Variants in FTO observed in about 807,000 individuals in gnomAD.
FTO encodes the protein alpha-ketoglutarate-dependent dioxygenase FTO.
FTO carries 47 observed loss-of-function variants against 63.9 expected under a neutral mutation model. That is an observed-to-expected ratio of 0.74 (90% CI 0.58 to 0.94). FTO has a LOEUF of 0.94. FTO is among the 40% of genes least tolerant of loss of function. The pLI is 0.00. For missense variants in FTO, 562 were observed against 618.1 expected (o/e 0.91, Z 0.96); for synonymous variants, 207 against 224.4 (o/e 0.92, Z 0.69).
chr16:53,842,714 C>T (rs1407056531), intron 3 of FTO, among the ~76,000 whole-genome samples: 1 of 152,120 alleles, frequency 6.6e-6, no homozygotes, highest in Non-Finnish European at 1.5e-5. Context: ...CACTCTGTTG[C>T]CCAGAATGGA....
chr16:53,827,074 G>A (rs2079027587), intron 3 of FTO, among the ~76,000 whole-genome samples: 1 of 152,154 alleles, frequency 6.6e-6, no homozygotes, highest in South Asian at 2.1e-4. Flanking sequence ...TAAGCAGACA[G>A]TCCTCTATTT....
intron 1 of FTO, among the ~76,000 whole-genome samples, chr16:53,752,959 TA>T (rs905374761): frequency 6.7e-6 from 1 of 149,158 alleles, no homozygotes; most frequent in African/African-American, 2.5e-5. Context: ...TTGAGGGCTT[TA>T]AAAAAAAACA....
intron 1 of FTO, among the ~76,000 whole-genome samples, chr16:53,713,489 A>G (rs2075824476): frequency 6.6e-6 from 1 of 152,088 alleles, no homozygotes; most frequent in African/African-American, 2.4e-5. Context: ...TTCTATTATA[A>G]ACTGGTTTTG....
chr16:53,767,319 T>C (rs2077231857), intron 1 of FTO, among the ~76,000 whole-genome samples: 1 of 152,202 alleles, frequency 6.6e-6, no homozygotes, highest in African/African-American at 2.4e-5. Context: ...TGACACTGTT[T>C]AGAATTATTT....
intron 8 of FTO, among the ~76,000 whole-genome samples, chr16:53,976,052 T>C (rs533061039): frequency 1.3e-5 from 2 of 152,292 alleles, no homozygotes; most frequent in South Asian, 4.1e-4. Context: ...CCCACCCCAG[T>C]GTAGTGCTTT....
At chr16:53,911,694 C>T (rs1288048323) in intron 7 of FTO, among the ~76,000 whole-genome samples, 1 of 152,238 alleles carries the variant, frequency 6.6e-6, no homozygotes, top group Admixed American at 6.5e-5. Flanking sequence ...AGCCTGTAAA[C>T]ATTCAGTTGC....
chr16:54,027,238 A>C (rs1225344685), intron 8 of FTO, among the ~76,000 whole-genome samples: 2 of 152,160 alleles, frequency 1.3e-5, no homozygotes, highest in Non-Finnish European at 2.9e-5. Flanking sequence ...GTATCCTCTG[A>C]CTGCCCCAGC....
At chr16:54,050,962 A>G (rs1386777130) in intron 8 of FTO, among the ~76,000 whole-genome samples, 1 of 152,234 alleles carries the variant, frequency 6.6e-6, no homozygotes, top group Admixed American at 6.5e-5. Flanking sequence ...GAAAGTTTCC[A>G]ACTGAAATCG....
intron 8 of FTO, among the ~76,000 whole-genome samples, chr16:53,978,002 A>G (rs544947860): frequency 1.5e-4 from 23 of 152,172 alleles, no homozygotes; most frequent in Admixed American, 2.0e-4. Context: ...TACTACAGGC[A>G]TGCACCACTA....
intron 1 of FTO, among the ~76,000 whole-genome samples, chr16:53,785,905 T>C (rs1436401273): frequency 7.4e-6 from 1 of 135,634 alleles, no homozygotes; most frequent in Admixed American, 7.5e-5. Context: ...CGAGACTCCA[T>C]CTCAAAAAGA....
chr16:53,984,959 G>T (rs1226778099), intron 8 of FTO: 2 of 456,296 alleles, frequency 4.4e-6, no homozygotes, highest in Non-Finnish European at 8.8e-6. Flanking sequence ...GTGTTGGTAA[G>T]TAGAGAAATT....
intron 8 of FTO, among the ~76,000 whole-genome samples, chr16:54,105,187 T>C (rs1211562044): frequency 6.6e-6 from 1 of 152,236 alleles, no homozygotes; most frequent in African/African-American, 2.4e-5. Context: ...GTATCTTTTA[T>C]TTCTATAGAC....
At chr16:53,959,453 G>C (rs935870531) in intron 8 of FTO, among the ~76,000 whole-genome samples, 7 of 152,136 alleles carry the variant, frequency 4.6e-5, no homozygotes, top group Admixed American at 1.3e-4. Context: ...GGAACATCCT[G>C]TTACTGATGT....
chr16:53,865,133 G>A (rs1022434278), intron 4 of FTO, among the ~76,000 whole-genome samples: 3 of 152,120 alleles, frequency 2.0e-5, no homozygotes, highest in African/African-American at 7.2e-5. Context: ...GGAGTAATAA[G>A]GCTTTTATTT....
chr16:54,029,458 T>A (rs1282206787), intron 8 of FTO, among the ~76,000 whole-genome samples: 1 of 152,174 alleles, frequency 6.6e-6, no homozygotes, highest in Admixed American at 6.5e-5. Context: ...GCTTTAGTTA[T>A]TCTCCTACTA....
chr16:54,105,925 A>C (rs966586857), intron 8 of FTO, among the ~76,000 whole-genome samples: 1 of 152,080 alleles, frequency 6.6e-6, no homozygotes, highest in African/African-American at 2.4e-5. Context: ...ATTTGTTGCA[A>C]AATTTAGGGA....
At chr16:54,086,484 C>T (rs2086257329) in intron 8 of FTO, among the ~76,000 whole-genome samples, 1 of 152,160 alleles carries the variant, frequency 6.6e-6, no homozygotes, top group Admixed American at 6.5e-5. Context: ...AGCAGTTGTT[C>T]TGTTGCCATA....
chr16:53,821,222 G>C (rs940572507), intron 2 of FTO, among the ~76,000 whole-genome samples: 1 of 152,150 alleles, frequency 6.6e-6, no homozygotes, highest in African/African-American at 2.4e-5. Context: ...AGTGTGTTCA[G>C]AAACAGAGTT....
chr16:53,772,679 A>G (rs1239459459), intron 1 of FTO, among the ~76,000 whole-genome samples: 1 of 152,102 alleles, frequency 6.6e-6, no homozygotes, highest in Non-Finnish European at 1.5e-5. Context: ...TTGAATTGGG[A>G]CTAACTGTAT....
Sources: allele counts gnomAD v4.1 joint callset (sites outside exome capture counted in the v4.1 genomes callset), GRCh38; gene constraint gnomAD v4.1.1; transcripts MANE v1.5; gene names NCBI Gene and HGNC (gene_info 2026-07-23, HGNC 2026-07-21).